The following SAMD5 variants were observed in gnomAD, a reference collection of about 807,000 sequenced individuals.
SAMD5 encodes sterile alpha motif domain-containing protein 5.
A neutral mutation model predicts 11.3 loss-of-function variants in SAMD5; 13 were observed. That is an observed-to-expected ratio of 1.15 (90% confidence interval 0.75 to 1.83). The LOEUF is 1.83. Ranked by LOEUF, SAMD5 falls within the 40% of genes most tolerant of loss-of-function variation. SAMD5 has a pLI of 0.00. For missense variants in SAMD5, 255 were observed against 239.1 expected (o/e 1.07, Z -0.44); for synonymous variants, 129 against 111.3 (o/e 1.16, Z -1.00).
intron 1 of SAMD5, among the ~76,000 whole-genome samples, chr6:147,538,028 TCA>T (rs1235799499): frequency 6.6e-6 from 1 of 152,218 alleles, no homozygotes; most frequent in East Asian, 1.9e-4. Flanking sequence ...TTATATCTGT[TCA>T]GTTTTAATTA....
chr6:147,684,639 G>A lies in SAMD5; in HGVS notation c.163-52678G>A, dbSNP rs759087070. ...CATTTAGCATTGCCATCCTTTTTTC[G>A]ATTTGAGCATCCTGGAATGCGTGCT... On this transcript the variant is annotated intron_variant, in intron 1 of 1. Coordinates refer to the SAMD5 transcript ENST00000566741. 3.3e-5 allele frequency among the ~76,000 whole-genome samples: 5 copies of A among 152,070 alleles called. No homozygotes were observed. In the East Asian group the frequency reaches 5.8e-4, roughly 18 times the overall value.
In SAMD5 at chr6:147,622,247, C is replaced by T. The variant is rs76509848; in HGVS notation, c.162+112860C>T. 3.4e-4 allele frequency among the ~76,000 whole-genome samples: 52 copies of T among 152,340 alleles called. No individual in the cohort carries two copies. In the East Asian group the frequency reaches 8.9e-3, roughly 26 times the overall value. The stretch of plus-strand genomic sequence containing the variant: ...ATGGCATCGTATTTCCATAAATCCA[C>T]ACAATCCTTCTGTATACTTTGTCAT... On this transcript the variant is annotated intron_variant, in intron 1 of 1. Transcript: ENST00000566741.
chr6:147,878,855 C>T, the SAMD5 span, among the ~76,000 whole-genome samples: 4,974 of 151,866 alleles, frequency 0.033, 123 homozygotes, highest in South Asian at 0.069. Flanking sequence ...CCTGGGTTCA[C>T]GCCATTCTCC....
At chr6:147,816,301 A>AAAAAATATATATATATATATAT in the SAMD5 span, among the ~76,000 whole-genome samples, 2 of 66,352 alleles carry the variant, frequency 3.0e-5, no homozygotes, top group Admixed American at 2.0e-4. Context: ...AAAAAAAAAA[A>AAAAAATATATATATATATATAT]ATATATATAT....
chr6:147,597,011 C>CT (rs1789541026), intron 1 of SAMD5, among the ~76,000 whole-genome samples: 1 of 152,082 alleles, frequency 6.6e-6, no homozygotes, highest in African/African-American at 2.4e-5. Context: ...CCTTATGGTT[C>CT]TGGGTTATGG....
intron 1 of SAMD5, among the ~76,000 whole-genome samples, chr6:147,628,539 A>G (rs547165860): frequency 6.6e-6 from 1 of 152,322 alleles, no homozygotes; most frequent in African/African-American, 2.4e-5. Flanking sequence ...AAAGGTCAGG[A>G]CAGTCTATCT....
At chr6:147,614,791 C>T (rs2128449471) in intron 1 of SAMD5, among the ~76,000 whole-genome samples, 1 of 152,012 alleles carries the variant, frequency 6.6e-6, no homozygotes, top group South Asian at 2.1e-4. Context: ...ATTCATCAAG[C>T]TGCATACTTA....
chr6:147,580,254 T>A (rs563755248), intron 1 of SAMD5, among the ~76,000 whole-genome samples: 72 of 152,326 alleles, frequency 4.7e-4, no homozygotes, highest in Admixed American at 2.2e-3. Context: ...AGAATGTTAA[T>A]GTCAAGGCCA....
the SAMD5 span, among the ~76,000 whole-genome samples, chr6:147,874,015 G>T: frequency 6.6e-6 from 1 of 152,130 alleles, no homozygotes; most frequent in South Asian, 2.1e-4. Context: ...AAAAGTTACA[G>T]CATTTAAAAA....
At chr6:147,680,966 A>G (rs1347903456) in intron 1 of SAMD5, among the ~76,000 whole-genome samples, 1 of 152,104 alleles carries the variant, frequency 6.6e-6, no homozygotes, top group Admixed American at 6.6e-5. Flanking sequence ...CTTTTCCTGT[A>G]GTCATTTTTT....
the SAMD5 span, among the ~76,000 whole-genome samples, chr6:147,799,856 C>T: frequency 2.0e-5 from 3 of 152,272 alleles, no homozygotes; most frequent in East Asian, 3.9e-4. Context: ...TCCAGTTGAT[C>T]ACATCGGCTC....
At chr6:147,578,353 A>G in intron 1 of SAMD5, among the ~76,000 whole-genome samples, 1 of 152,152 alleles carries the variant, frequency 6.6e-6, no homozygotes, top group Non-Finnish European at 1.5e-5. Context: ...CTAACGTGTC[A>G]TACCCATTTC....
chr6:147,786,184 C>T, the SAMD5 span, among the ~76,000 whole-genome samples: 1 of 152,198 alleles, frequency 6.6e-6, no homozygotes, highest in Non-Finnish European at 1.5e-5. Context: ...CTCCCAGTGC[C>T]TGACTATTGT....
chr6:147,513,944 G>A (rs1788127183), intron 1 of SAMD5, among the ~76,000 whole-genome samples: 1 of 152,152 alleles, frequency 6.6e-6, no homozygotes, highest in Admixed American at 6.5e-5. Flanking sequence ...AGTGCAGACA[G>A]GGATCACCCA....
At chr6:147,831,262 G>A in the SAMD5 span, among the ~76,000 whole-genome samples, 5 of 152,176 alleles carry the variant, frequency 3.3e-5, no homozygotes. Context: ...AAGGTAGGTC[G>A]CATTGTGAAG....
intron 1 of SAMD5, among the ~76,000 whole-genome samples, chr6:147,517,753 A>G (rs1788193778): frequency 6.6e-6 from 1 of 152,088 alleles, no homozygotes; most frequent in Non-Finnish European, 1.5e-5. Flanking sequence ...TTCTTATCAG[A>G]TAGATCTGGT....
At chr6:147,631,372 G>A (rs1328467896) in intron 1 of SAMD5, among the ~76,000 whole-genome samples, 1 of 152,196 alleles carries the variant, frequency 6.6e-6, no homozygotes, top group East Asian at 1.9e-4. Flanking sequence ...TGATTGGTGA[G>A]TTTTTGGGCT....
intron 1 of SAMD5, among the ~76,000 whole-genome samples, chr6:147,723,723 A>G (rs1176172665): frequency 1.3e-5 from 2 of 152,126 alleles, no homozygotes; most frequent in African/African-American, 4.8e-5. Context: ...AAGTTTCCCC[A>G]TATCCTGCCA....
intron 1 of SAMD5, among the ~76,000 whole-genome samples, chr6:147,591,530 G>T (rs1789455047): frequency 6.6e-6 from 1 of 152,100 alleles, no homozygotes; most frequent in East Asian, 1.9e-4. Context: ...TGCTTGACCT[G>T]CTGGAATATG....
Sources: allele counts gnomAD v4.1 joint callset (sites outside exome capture counted in the v4.1 genomes callset), GRCh38; gene constraint gnomAD v4.1.1; transcripts MANE v1.5; gene names NCBI Gene and HGNC (gene_info 2026-07-23, HGNC 2026-07-21).